HTD2: variants seen among roughly 807,000 people sequenced by gnomAD.
The protein encoded by HTD2 is hydroxyacyl-thioester dehydratase type 2, also known as hydroxyacyl-thioester dehydratase type 2, mitochondrial.
In HTD2, 1 loss-of-function variant was observed where a neutral mutation model predicts 3.1. That is an observed-to-expected ratio of 0.32 (90% CI 0.11 to 1.52). HTD2 has a LOEUF of 1.52. HTD2 is among the 40% of genes most tolerant of loss of function. The pLI, the probability that HTD2 is intolerant of heterozygous loss-of-function variation, is 0.39. For synonymous variants in HTD2, 50 were observed against 28.9 expected, an observed-to-expected ratio of 1.73 and a Z score of -2.34; for missense variants, 150 against 79.6, an observed-to-expected ratio of 1.88 and a Z score of -3.36.
intron 2 of HTD2, among the ~76,000 whole-genome samples, chr3:58,311,977 A>G (rs1486592293): frequency 6.6e-6 from 1 of 151,928 alleles, no homozygotes; most frequent in East Asian, 1.9e-4. Flanking sequence ...AGCTCAAGTG[A>G]TTCTCCCACC....
intron 1 of HTD2, chr3:58,308,011 T>A (rs553186908): frequency 3.9e-5 from 6 of 152,148 alleles, no homozygotes; most frequent in Non-Finnish European, 8.8e-5. Context: ...ATCTAAGCCC[T>A]GGGTCTAATT....
At chr3:58,310,318 G>T in intron 1 of HTD2, 189 bp from the exon 2 acceptor site, 1 of 1,613,202 alleles carries the variant, frequency 6.2e-7, no homozygotes, top group Non-Finnish European at 8.5e-7. Context: ...GGTGTGATCA[G>T]CACTGGAAAA....
intron 2 of HTD2, among the ~76,000 whole-genome samples, chr3:58,313,765 C>T (rs929380391): frequency 6.6e-6 from 1 of 152,118 alleles, no homozygotes; most frequent in Non-Finnish European, 1.5e-5. Flanking sequence ...CTCAAGGTTG[C>T]AATGAGTGGT....
rs1347047934 is a variant in HTD2 at position 58,306,623 on chromosome 3, C to T, written c.-444C>T. On this transcript the variant is annotated 5_prime_UTR_variant, in exon 1 of 5. Transcript: ENST00000461393. ...CCGGGCGAGACTTCGGGACCGTGTCCTGAGCGCTCTCCATGCGCCCGGCGC... is the reference window on the plus strand; with the variant it reads ...CCGGGCGAGACTTCGGGACCGTGTCTTGAGCGCTCTCCATGCGCCCGGCGC... 6.6e-6 allele frequency: 1 copy of T among 152,012 alleles called. No homozygotes were observed. Among genetic ancestry groups the T allele is most frequent in the Non-Finnish European group, 1.5e-5 (1 of 68,068 alleles). 9.4% of individuals were successfully genotyped at this position (152,012 alleles called of 1,614,324 possible).
Position 58,312,334 on chromosome 3 carries a change from A to ACCC in HTD2, c.-331+1750_-331+1752dup, listed in dbSNP as rs76719108. On this transcript the variant is annotated intron_variant, in intron 2 of 4. Transcript: ENST00000461393. The stretch of plus-strand genomic sequence containing the variant: ...TGGAGTGCAGTGGCACAACCTCCGC[A>ACCC]CCCCCCCCCGCCCCTCCCGGATTCA... Among the ~76,000 whole-genome samples the ACCC allele has an allele frequency of 9.5e-3, 659 of 69,534 alleles. 17 individuals are homozygous for ACCC. The highest frequency in any genetic ancestry group is 0.048 in the East Asian group (33 of 688). 45.6% of individuals were successfully genotyped at this position (69,534 alleles called of 152,430 possible). A position where few individuals can be genotyped will look rare whatever the true frequency, so the allele number is the denominator to read the frequency against.
At chr3:58,313,056 G>T (rs945366157) in intron 2 of HTD2, among the ~76,000 whole-genome samples, 6 of 150,612 alleles carry the variant, frequency 4.0e-5, no homozygotes. Flanking sequence ...AAGGTCAGCC[G>T]ATCAAGACCA....
upstream of HTD2, chr3:58,306,449 G>T (rs2097474609): frequency 6.6e-6 from 1 of 152,328 alleles, no homozygotes; most frequent in Non-Finnish European, 1.5e-5. Context: ...AGCGGCGGTT[G>T]TCTGGGAGCC....
At chr3:58,313,944 T>G (rs568828320) in intron 2 of HTD2, among the ~76,000 whole-genome samples, 1 of 152,370 alleles carries the variant, frequency 6.6e-6, no homozygotes, top group Non-Finnish European at 1.5e-5. Flanking sequence ...CCCAACACTT[T>G]GGGAAGCCAG....
At chr3:58,315,311 A>T (rs1392028158) in intron 2 of HTD2, among the ~76,000 whole-genome samples, 2 of 151,882 alleles carry the variant, frequency 1.3e-5, no homozygotes, top group South Asian at 2.1e-4. Flanking sequence ...GGGTGTTTCC[A>T]TTTATAGAAG....
chr3:58,313,686 G>A (rs1031793545), intron 2 of HTD2, among the ~76,000 whole-genome samples: 5 of 152,210 alleles, frequency 3.3e-5, no homozygotes, highest in Non-Finnish European at 5.9e-5. Flanking sequence ...TGAGCTGGGT[G>A]TGGTGGTGTG....
chr3:58,310,309 G>T, intron 1 of HTD2, 198 bp from the exon 2 acceptor site: 1 of 1,610,344 alleles, frequency 6.2e-7, no homozygotes, highest in Non-Finnish European at 8.5e-7. Flanking sequence ...CTTACTGTAG[G>T]TGTGATCAGC....
chr3:58,306,894 T>C (rs1053767907), intron 1 of HTD2, among the ~76,000 whole-genome samples: 6 of 152,028 alleles, frequency 3.9e-5, no homozygotes, highest in African/African-American at 1.5e-4. Context: ...AGTTACATAA[T>C]TGTCATAGAA....
intron 2 of HTD2, among the ~76,000 whole-genome samples, chr3:58,312,850 A>G (rs1247152460): frequency 6.6e-6 from 1 of 151,478 alleles, no homozygotes; most frequent in East Asian, 2.0e-4. Flanking sequence ...AGTCCCAGCT[A>G]CTTGGAAGAC....
At chr3:58,316,805 A>G in intron 3 of HTD2, 110 bp from the exon 4 acceptor site, 1 of 1,022,480 alleles carries the variant, frequency 9.8e-7, no homozygotes, top group Non-Finnish European at 1.5e-6. Flanking sequence ...TAGTTTTCCC[A>G]TTGATGGTTA....
At chr3:58,313,717 C>CAGG (rs1253817195) in intron 2 of HTD2, among the ~76,000 whole-genome samples, 1 of 152,136 alleles carries the variant, frequency 6.6e-6, no homozygotes, top group Non-Finnish European at 1.5e-5. Context: ...CCCAACTAGT[C>CAGG]AGGAGGCTGA....
At chr3:58,311,062 A>G (rs780024358) in intron 2 of HTD2, among the ~76,000 whole-genome samples, 3 of 150,618 alleles carry the variant, frequency 2.0e-5, no homozygotes, top group Non-Finnish European at 2.9e-5. Context: ...TTCCTCCTTC[A>G]TCCTCTCTAC....
intron 1 of HTD2, chr3:58,310,203 C>T: frequency 1.3e-6 from 1 of 786,048 alleles, no homozygotes; most frequent in South Asian, 1.6e-5. Context: ...TGAGACCCTG[C>T]CTTAAAACAA....
intron 1 of HTD2, among the ~76,000 whole-genome samples, chr3:58,309,023 G>A (rs1248235380): frequency 6.6e-6 from 1 of 152,166 alleles, no homozygotes; most frequent in African/African-American, 2.4e-5. Context: ...CCCCTTCCAG[G>A]AATCCCTCTT....
upstream of HTD2, chr3:58,306,495 G>C (rs1044971614): frequency 2.6e-5 from 4 of 152,280 alleles, no homozygotes; most frequent in African/African-American, 9.6e-5. Flanking sequence ...CATGCGCGGG[G>C]CGGGCGGTGC....
Sources: allele counts gnomAD v4.1 joint callset (sites outside exome capture counted in the v4.1 genomes callset), GRCh38; gene constraint gnomAD v4.1.1; transcripts MANE v1.5; gene names NCBI Gene and HGNC (gene_info 2026-07-23, HGNC 2026-07-21).